Variants in NHS observed in about 807,000 individuals in gnomAD.
NHS encodes the protein actin remodeling regulator NHS.
In NHS, 5 loss-of-function variants were observed where a neutral mutation model predicts 72.5. The ratio of observed to expected loss-of-function variants is 0.07; its 90% CI spans 0.04 to 0.14. The LOEUF (loss-of-function observed/expected upper bound fraction) is 0.14. Ranked by LOEUF, NHS falls within the 10% of genes least tolerant of loss-of-function variation. The pLI is 1.00. For synonymous variants in NHS, 464 were observed against 547.7 expected, an observed-to-expected ratio of 0.85 and a Z score of 2.13; for missense variants, 1,072 against 1,355.7, an observed-to-expected ratio of 0.79 and a Z score of 3.29.
rs771488403 is a variant in NHS at position 17,721,522 on chromosome X, C to T, written c.997C>T (p.Leu333=). ...KNPIHNIPST[L]DKQTNWSKAL... ...CCCAATACACAATATCCCTTCCACA[C>T]TGGACAAGCAGACCAACTGGAGCAA... Residue 333 remains leucine (L), a synonymous_variant, in exon 5 of 9, where the codon CTG becomes TTG. Coordinates refer to ENST00000676302, the MANE Select transcript of NHS (RefSeq NM_001291867.2). 6 of 1,211,527 alleles carry T rather than the reference C, an allele frequency of 5.0e-6. No individual in the cohort carries two copies. The highest frequency in any genetic ancestry group is 6.7e-6 in the Non-Finnish European group (6 of 895,320).
In NHS at chrX:17,376,177, G is replaced by C; in HGVS notation, c.420G>C (p.Ser140=). Residue 140 remains serine, a synonymous_variant, in exon 1 of 9, where the codon TCG becomes TCC. Transcript: ENST00000676302. Reference sequence around the variant, plus strand: ...TGGCCCGTGTCCTCCGGCAGCTCTCGGACGTGGCCCGGCACGCTTGCAGCC... The same window carrying C: ...TGGCCCGTGTCCTCCGGCAGCTCTCCGACGTGGCCCGGCACGCTTGCAGCC... ...AALARVLRQL[S]DVARHACSLF... 8.4e-7 allele frequency: 1 copy of C among 1,191,455 alleles called. No homozygotes were observed. Among genetic ancestry groups the C allele is most frequent in the South Asian group, 1.8e-5 (1 of 55,565 alleles).
At chrX:17,484,822 G>A (rs2064960918) in intron 1 of NHS, among the ~76,000 whole-genome samples, 1 of 110,613 alleles carries the variant, frequency 9.0e-6, no homozygotes, top group African/African-American at 3.3e-5. Flanking sequence ...TCCCAGGTGA[G>A]TTGTTTGCTA....
At chrX:17,603,373 T>C in intron 1 of NHS, among the ~76,000 whole-genome samples, 1 of 112,470 alleles carries the variant, frequency 8.9e-6, no homozygotes, top group East Asian at 2.8e-4. Context: ...TTTCCTTCTT[T>C]CTGAAGAGTG....
chrX:17,672,690 C>T (rs1490584934), intron 1 of NHS, among the ~76,000 whole-genome samples: 4 of 112,489 alleles, frequency 3.6e-5, no homozygotes, highest in Non-Finnish European at 7.5e-5. Context: ...CAATGCCGCA[C>T]CTCCCACTAT....
chrX:17,491,204 G>C (rs915873221), intron 1 of NHS, among the ~76,000 whole-genome samples: 1 of 111,327 alleles, frequency 9.0e-6, no homozygotes, highest in Non-Finnish European at 1.9e-5. Context: ...GTCTTGGGCC[G>C]CTTTTCAAAG....
At chrX:17,674,151 T>C (rs2066065978) in intron 1 of NHS, among the ~76,000 whole-genome samples, 1 of 111,605 alleles carries the variant, frequency 9.0e-6, no homozygotes. Context: ...TCGGAGGGAT[T>C]GGGGTCAAGC....
chrX:17,727,622 G>A lies in NHS; in HGVS notation c.3516G>A (p.Thr1172=), dbSNP rs778743852. ...ATTTAGAGGAAAGCACACTCACAAC[G>A]GCTGCCTTGTCTCCAAGTAAGATTA... The part of the protein sequence containing the change: ...LPYLEESTLT[T]AALSPSKIRP... Residue 1172 remains threonine (T), a synonymous_variant, in exon 7 of 9, where the codon ACG becomes ACA. Transcript: ENST00000676302. 5.8e-6 allele frequency: 7 copies of A among 1,210,936 alleles called. No homozygotes were observed. In the South Asian group the frequency reaches 8.8e-5, roughly 15 times the overall value.
chrX:17,544,423 G>C (rs1427363216), intron 1 of NHS, among the ~76,000 whole-genome samples: 5 of 112,310 alleles, frequency 4.5e-5, no homozygotes, highest in African/African-American at 1.6e-4. Flanking sequence ...GCAATGGTAC[G>C]ACTATGGACT....
At chrX:17,556,209 A>T (rs184156671) in intron 1 of NHS, among the ~76,000 whole-genome samples, 1 of 112,790 alleles carries the variant, frequency 8.9e-6, no homozygotes, top group East Asian at 2.8e-4. Context: ...GACTGCAGGA[A>T]AGATTGTTCC....
At chrX:17,411,070 G>A (rs1273829706) in intron 1 of NHS, among the ~76,000 whole-genome samples, 1 of 111,998 alleles carries the variant, frequency 8.9e-6, no homozygotes, top group Non-Finnish European at 1.9e-5. Context: ...AAGAGGTGGT[G>A]ATTTTGGCTA....
chrX:17,380,282 A>C (rs1008785045), intron 1 of NHS, among the ~76,000 whole-genome samples: 3 of 110,912 alleles, frequency 2.7e-5, no homozygotes, highest in Admixed American at 9.6e-5. Context: ...TGGCCTTGAG[A>C]GGTGCCATTT....
chrX:17,375,779 G>C lies in NHS; in HGVS notation c.22G>C (p.Val8Leu). Residue 8 changes from valine to leucine, a missense_variant, in exon 1 of 9, where the codon GTG becomes CTG. Coordinates refer to ENST00000676302, the MANE Select transcript of NHS (RefSeq NM_001291867.2). ...CGGGATGCCTTTCGCCAAGCGGATC[G>C]TGGAGCCGCAATGGCTGTGCAGGCA... MPFAKRI[V>L]EPQWLCRQRR... 8.7e-7 allele frequency: 1 copy of C among 1,153,463 alleles called. No homozygotes were observed. The highest frequency in any genetic ancestry group is 1.1e-6 in the Non-Finnish European group (1 of 872,310).
intron 1 of NHS, among the ~76,000 whole-genome samples, chrX:17,524,576 T>C (rs1397073688): frequency 8.9e-6 from 1 of 111,932 alleles, no homozygotes; most frequent in East Asian, 2.8e-4. Flanking sequence ...AGCCAGTTGT[T>C]TTATAGAATG....
intron 2 of NHS, among the ~76,000 whole-genome samples, chrX:17,688,299 G>C (rs904551192): frequency 9.9e-5 from 11 of 111,412 alleles, no homozygotes; most frequent in Admixed American, 4.7e-4. Flanking sequence ...GGTACATTCA[G>C]TATATATTAG....
intron 1 of NHS, among the ~76,000 whole-genome samples, chrX:17,646,698 C>A (rs1266988655): frequency 8.9e-6 from 1 of 112,096 alleles, no homozygotes; most frequent in Non-Finnish European, 1.9e-5. Context: ...CTAGGTGAGA[C>A]TGCAAATACT....
chrX:17,560,305 A>C (rs2065405775), intron 1 of NHS, among the ~76,000 whole-genome samples: 1 of 112,436 alleles, frequency 8.9e-6, no homozygotes, highest in Admixed American at 9.4e-5. Context: ...GTCACAGGCT[A>C]GCCAACTGGA....
intron 1 of NHS, among the ~76,000 whole-genome samples, chrX:17,511,062 G>C (rs2065084948): frequency 2.7e-5 from 3 of 111,958 alleles, no homozygotes; most frequent in Admixed American, 1.9e-4. Flanking sequence ...AGCTCTAGGA[G>C]ATTAAATGTA....
chrX:17,602,175 T>A (rs1242857400), intron 1 of NHS, among the ~76,000 whole-genome samples: 1 of 110,411 alleles, frequency 9.1e-6, no homozygotes, highest in Non-Finnish European at 1.9e-5. Flanking sequence ...TAAGAACTGA[T>A]CACACACACA....
At chrX:17,609,313 T>A (rs1326117670) in intron 1 of NHS, among the ~76,000 whole-genome samples, 3 of 111,911 alleles carry the variant, frequency 2.7e-5, no homozygotes, top group Non-Finnish European at 5.6e-5. Flanking sequence ...ACCTGGGGTA[T>A]CAGAGAAGTT....
Sources: allele counts gnomAD v4.1 joint callset (sites outside exome capture counted in the v4.1 genomes callset), GRCh38; gene constraint gnomAD v4.1.1; transcripts MANE v1.5; gene names NCBI Gene and HGNC (gene_info 2026-07-23, HGNC 2026-07-21).